The following NINL variants were observed in gnomAD, a reference collection of about 807,000 sequenced individuals.
The protein encoded by NINL is ninein-like protein.
In NINL, 153 loss-of-function variants were observed where a neutral mutation model predicts 160.3. The observed-to-expected ratio is 0.95, with a 90% CI of 0.84 to 1.09. The LOEUF is 1.09. NINL is among the 50% of genes least tolerant of loss of function. The pLI, the probability that NINL is intolerant of heterozygous loss-of-function variation, is 0.00. For synonymous variants in NINL, 800 were observed against 734.8 expected (o/e 1.09, Z -1.43); for missense variants, 1,829 against 1,764.0 (o/e 1.04, Z -0.66).
Position 25,476,815 on chromosome 20 carries a change from T to G in NINL, c.2476A>C (p.Met826Leu), listed in dbSNP as rs770860358. The G allele has an allele frequency of 1.2e-6, 2 of 1,613,040 alleles. No homozygotes were observed. Among genetic ancestry groups the G allele is most frequent in the African/African-American group, 2.7e-5 (2 of 74,922 alleles). The stretch of plus-strand genomic sequence containing the variant: ...AGCCCATCTTTCGGCAGGGCCTGCA[T>G]CTCTGCTTCCAGGGAGGGCCCGTCC... Reference protein sequence around the residue: ...RVDGPSLEAEMQALPKDGLVA... With the variant: ...RVDGPSLEAELQALPKDGLVA... Residue 826 changes from methionine to leucine, a missense_variant, in exon 17 of 24, where the codon ATG becomes CTG. Met to Leu is a conservative substitution (Grantham distance 15, BLOSUM62 2). Coordinates refer to ENST00000278886, the MANE Select transcript of NINL (RefSeq NM_025176.6).
At chr20:25,496,566 C>A in intron 10 of NINL, 97 bp downstream of exon 10, 1 of 1,457,242 alleles carries the variant, frequency 6.9e-7, no homozygotes, top group Admixed American at 1.9e-5. Flanking sequence ...GAGCCACACC[C>A]GCAGCTCTGG....
intron 1 of NINL, chr20:25,540,037 G>T: frequency 7.8e-7 from 1 of 1,288,592 alleles, no homozygotes; most frequent in Non-Finnish European, 1.0e-6. Context: ...CAGTTCAGAG[G>T]CCTCTTCAGT....
chr20:25,563,973 C>G (rs1416990046), intron 1 of NINL, among the ~76,000 whole-genome samples: 1 of 152,056 alleles, frequency 6.6e-6, no homozygotes, highest in East Asian at 1.9e-4. Context: ...AATTCCAGCT[C>G]TTTGGGAGAC....
At chr20:25,499,690 T>C (rs865788605) in intron 8 of NINL, among the ~76,000 whole-genome samples, 24 of 152,212 alleles carry the variant, frequency 1.6e-4, no homozygotes, top group African/African-American at 4.8e-4. Flanking sequence ...GGTCTTGGTC[T>C]GTGGAGTAGG....
intron 1 of NINL, among the ~76,000 whole-genome samples, chr20:25,573,296 TCA>T (rs1491194481): frequency 6.8e-4 from 98 of 144,818 alleles, no homozygotes; most frequent in Non-Finnish European, 7.2e-4. Flanking sequence ...AAACTCCATC[TCA>T]AAAAAAAAAA....
At chr20:25,527,634 GATATAT>G (rs752242596) in intron 1 of NINL, among the ~76,000 whole-genome samples, 1 of 151,228 alleles carries the variant, frequency 6.6e-6, no homozygotes, top group African/African-American at 2.4e-5. Context: ...AATCACAAAA[GATATAT>G]ATATATAATT....
chr20:25,584,851 T>C (rs547581597), intron 1 of NINL, among the ~76,000 whole-genome samples: 1 of 152,344 alleles, frequency 6.6e-6, no homozygotes, highest in African/African-American at 2.4e-5. Flanking sequence ...ACATGGTGTG[T>C]GTGACTGCGC....
In NINL at chr20:25,455,720, T is replaced by C. The variant is rs778608343; in HGVS notation, c.3910A>G (p.Asn1304Asp). Reference protein sequence around the residue: ...RVEEAEMILKNMEMLLQEKVD... With the variant: ...RVEEAEMILKDMEMLLQEKVD... ...TTCTCTTGGAGGAGCATTTCCATAT[T>C]CTTCAGAATCATCTCCGCCTCTTCC... The change falls in exon 23 of 24, where the codon AAT becomes GAT. Residue 1304 changes from asparagine to aspartate, a missense_variant. By Grantham distance (23) the Asn-to-Asp change is conservative. Transcript: ENST00000278886. 1.1e-5 allele frequency: 18 copies of C among 1,614,182 alleles called. 1 individual carries two copies. The South Asian group carries it at 1.9e-4, about 17-fold the overall frequency.
At chr20:25,490,115 G>T in intron 11 of NINL, 130 bp from the exon 12 acceptor site, 2 of 814,620 alleles carry the variant, frequency 2.5e-6, no homozygotes, top group Non-Finnish European at 4.0e-6. Flanking sequence ...CGCAGGCGAG[G>T]CACCTGGTGC....
At chr20:25,507,623 C>G (rs1185940472) in intron 5 of NINL, among the ~76,000 whole-genome samples, 1 of 152,194 alleles carries the variant, frequency 6.6e-6, no homozygotes, top group East Asian at 1.9e-4. Context: ...CAGTCTGGAT[C>G]CTTCAGGTAG....
chr20:25,517,735 CA>C lies in NINL; in HGVS notation c.277+17del, dbSNP rs1290349981. ...ACAAACAAATAATGAAAAGAAAACA[CA>C]GAGGAAATCCTCTTACCTGATTCCA... On this transcript the variant is annotated intron_variant, in intron 3 of 23. Coordinates refer to ENST00000278886, the MANE Select transcript of NINL (RefSeq NM_025176.6). The C allele has an allele frequency of 1.3e-6, 2 of 1,528,390 alleles. No individual in the cohort carries two copies. Among genetic ancestry groups the C allele is most frequent in the Non-Finnish European group, 1.8e-6 (2 of 1,123,662 alleles). 94.7% of individuals were successfully genotyped at this position (1,528,390 alleles called of 1,614,324 possible).
intron 19 of NINL, 53 bp downstream of exon 19, chr20:25,467,336 A>G: frequency 7.4e-7 from 1 of 1,356,954 alleles, no homozygotes; most frequent in East Asian, 2.3e-5. Context: ...ATTTCAAAAT[A>G]ATGAAAAAAA....
In NINL at chr20:25,575,445, TC is replaced by T. The variant is rs1292719157; in HGVS notation, c.-12+10009del. On this transcript the variant is annotated intron_variant, in intron 1 of 23. Coordinates refer to ENST00000278886, the MANE Select transcript of NINL (RefSeq NM_025176.6). ...CTGGGCAACAGAGCGAGACTCCGTC[TC>T]AAAAAAAAAAAAAAAAAAAGAATAG... Among the ~76,000 whole-genome samples, 4 of 46,364 alleles carry T rather than the reference TC, an allele frequency of 8.6e-5. No homozygotes were observed. The East Asian group carries it at 2.6e-3, about 30-fold the overall frequency. 30.4% of individuals were successfully genotyped at this position (46,364 alleles called of 152,430 possible).
Position 25,481,071 on chromosome 20 carries a change from C to T in NINL, c.1811-804G>A, listed in dbSNP as rs138103288. Among the ~76,000 whole-genome samples, 494 of 152,254 alleles carry T rather than the reference C, an allele frequency of 3.2e-3. 3 individuals are homozygous for T. Among genetic ancestry groups the T allele is most frequent in the African/African-American group, 0.011 (461 of 41,556 alleles). ...GTCAGTCTCACATGCACAAAAGCCC[C>T]GACTAGGCTCCCCTATGAGGTTCCC... On this transcript the variant is annotated intron_variant, in intron 14 of 23. Transcript: ENST00000278886.
chr20:25,453,272 A>G lies in NINL; in HGVS notation c.*179T>C. The G allele has an allele frequency of 2.0e-6, 1 of 489,792 alleles. No homozygotes were observed. Among genetic ancestry groups the G allele is most frequent in the Non-Finnish European group, 3.4e-6 (1 of 290,974 alleles). 30.3% of individuals were successfully genotyped at this position (489,792 alleles called of 1,614,324 possible). On this transcript the variant is annotated 3_prime_UTR_variant, in exon 24 of 24. Coordinates refer to ENST00000278886, the MANE Select transcript of NINL (RefSeq NM_025176.6). ...GCTTCTGCAACATGCATATTCCCCC[A>G]GCCCCCACCTCCATCTTGCCCAGGG... is the stretch of plus-strand genomic sequence containing the variant.
At chr20:25,568,232 CAA>C (rs11483743) in intron 1 of NINL, among the ~76,000 whole-genome samples, 2 of 143,822 alleles carry the variant, frequency 1.4e-5, no homozygotes, top group Admixed American at 6.8e-5. Context: ...TGTCAGATCT[CAA>C]AAAAAAAAAG....
chr20:25,531,552 T>C (rs535672682), intron 1 of NINL, among the ~76,000 whole-genome samples: 1 of 152,344 alleles, frequency 6.6e-6, no homozygotes, highest in South Asian at 2.1e-4. Context: ...CATGAAATCT[T>C]CACAATTTAT....
Position 25,453,202 on chromosome 20 carries a change from A to C in NINL, c.*249T>G, listed in dbSNP as rs2090574105. On this transcript the variant is annotated 3_prime_UTR_variant, in exon 24 of 24. Transcript: ENST00000278886. ...GGCTCCAGAGAGTGGCAAAACTGGG[A>C]ATTTTGCCAAGGGAAATTACTCAGG... The C allele has an allele frequency of 2.8e-6, 1 of 357,946 alleles. No homozygotes were observed. Among genetic ancestry groups the C allele is most frequent in the Non-Finnish European group, 5.0e-6 (1 of 200,456 alleles). 22.2% of individuals were successfully genotyped at this position (357,946 alleles called of 1,614,324 possible). A position where few individuals can be genotyped will look rare whatever the true frequency, so the allele number is the denominator to read the frequency against.
At chr20:25,557,878 C>T (rs994880618) in intron 1 of NINL, among the ~76,000 whole-genome samples, 12 of 151,644 alleles carry the variant, frequency 7.9e-5, no homozygotes, top group African/African-American at 2.7e-4. Flanking sequence ...CTTGTAATCC[C>T]AGCACTTTGG....
Sources: gnomAD v4.1 joint callset for allele counts (sites outside exome capture counted in the v4.1 genomes callset) on GRCh38, gnomAD v4.1.1 for gene constraint, MANE v1.5 for transcripts, NCBI Gene and HGNC (gene_info 2026-07-23, HGNC 2026-07-21) for gene names.